The following MMS22L variants were observed in gnomAD, a reference collection of about 807,000 sequenced individuals.
The protein encoded by MMS22L is MMS22 like, DNA repair protein, also known as protein MMS22-like.
A neutral mutation model predicts 159.1 loss-of-function variants in MMS22L; 74 were observed. The observed-to-expected ratio is 0.47, with a 90% CI of 0.39 to 0.56. MMS22L has a LOEUF of 0.56. Among genes scored for constraint, MMS22L ranks in the 20% least tolerant of loss-of-function variants. The pLI is 0.00. For synonymous variants in MMS22L, 517 were observed against 506.9 expected, an observed-to-expected ratio of 1.02 and a Z score of -0.27; for missense variants, 1,351 against 1,422.1, an observed-to-expected ratio of 0.95 and a Z score of 0.80.
chr6:97,202,905 G>A (rs1187722745), intron 14 of MMS22L, among the ~76,000 whole-genome samples: 1 of 152,164 alleles, frequency 6.6e-6, no homozygotes, highest in Non-Finnish European at 1.5e-5. Flanking sequence ...ATCAGGTTAA[G>A]ATGACTACTG....
intron 11 of MMS22L, among the ~76,000 whole-genome samples, chr6:97,238,210 G>C (rs1018353984): frequency 3.3e-5 from 5 of 152,184 alleles, no homozygotes; most frequent in East Asian, 1.9e-4. Flanking sequence ...ATTAAGTGAA[G>C]GTATGTGCAG....
At chr6:97,267,083 A>G (rs1815203267) in intron 8 of MMS22L, 1 of 152,220 alleles carries the variant, frequency 6.6e-6, no homozygotes, top group South Asian at 2.1e-4. Context: ...CATGATGTAT[A>G]TGATAAATAT....
intron 14 of MMS22L, among the ~76,000 whole-genome samples, chr6:97,205,860 A>G (rs886839113): frequency 2.6e-5 from 4 of 152,166 alleles, no homozygotes; most frequent in Non-Finnish European, 5.9e-5. Context: ...TAATCACCTA[A>G]TAACAGCAAA....
intron 11 of MMS22L, among the ~76,000 whole-genome samples, chr6:97,242,559 T>C (rs1232955267): frequency 6.6e-6 from 1 of 152,182 alleles, no homozygotes; most frequent in South Asian, 2.1e-4. Context: ...TCTATATCTT[T>C]CAAGTGACAC....
intron 11 of MMS22L, among the ~76,000 whole-genome samples, chr6:97,242,300 T>C (rs1288175335): frequency 6.6e-6 from 1 of 152,206 alleles, no homozygotes; most frequent in Non-Finnish European, 1.5e-5. Context: ...GTATGTTCCC[T>C]ATTTAGGATT....
chr6:97,265,645 G>A (rs1387774767), intron 8 of MMS22L: 3 of 151,426 alleles, frequency 2.0e-5, no homozygotes, highest in East Asian at 1.9e-4. Flanking sequence ...TATAAGGAAC[G>A]CAAACAACTC....
intron 14 of MMS22L, among the ~76,000 whole-genome samples, chr6:97,196,581 A>T (rs992020546): frequency 6.6e-6 from 1 of 152,176 alleles, no homozygotes; most frequent in African/African-American, 2.4e-5. Context: ...TAGAGCCAAA[A>T]GTAAAGTCTT....
intron 11 of MMS22L, chr6:97,246,082 G>A: frequency 2.6e-6 from 1 of 386,072 alleles, no homozygotes; most frequent in Non-Finnish European, 5.0e-6. Context: ...AAAATGTGAT[G>A]AACAGCATGT....
chr6:97,234,308 C>T (rs1811171933), intron 11 of MMS22L, among the ~76,000 whole-genome samples: 1 of 152,052 alleles, frequency 6.6e-6, no homozygotes, highest in Admixed American at 6.6e-5. Flanking sequence ...AAAGAAGTGG[C>T]AAAAATGATG....
intron 18 of MMS22L, 38 bp downstream of exon 18, chr6:97,178,405 A>C (rs759691815): frequency 1.4e-6 from 2 of 1,424,286 alleles, no homozygotes; most frequent in South Asian, 3.0e-5. Context: ...AATTAATTGT[A>C]ATTAATCTGG....
intron 13 of MMS22L, 36 bp downstream of exon 13, chr6:97,231,390 T>C (rs1196159789): frequency 2.1e-6 from 3 of 1,425,998 alleles, no homozygotes; most frequent in African/African-American, 2.8e-5. Flanking sequence ...TCCAAAGATA[T>C]CAGTGCACAC....
At chr6:97,229,467 A>C in intron 13 of MMS22L, 64 bp from the exon 14 acceptor site, 2 of 1,232,328 alleles carry the variant, frequency 1.6e-6, no homozygotes, top group Middle Eastern at 4.6e-4. Context: ...TATCTCTTAA[A>C]AGAAAATTTG....
chr6:97,270,044 G>T (rs1024194082), intron 6 of MMS22L, 52 bp from the exon 7 acceptor site: 1 of 1,373,166 alleles, frequency 7.3e-7, no homozygotes, highest in Non-Finnish European at 1.0e-6. Context: ...ATTTTACTAG[G>T]TATTTCATAG....
chr6:97,263,638 G>T, intron 8 of MMS22L, 190 bp from the exon 9 acceptor site: 4 of 404,374 alleles, frequency 9.9e-6, no homozygotes, highest in South Asian at 6.7e-5. Context: ...AAAACAAAAA[G>T]CACAGATTAA....
chr6:97,274,347 A>G (rs997600206), intron 4 of MMS22L, among the ~76,000 whole-genome samples: 3 of 152,222 alleles, frequency 2.0e-5, no homozygotes, highest in South Asian at 2.1e-4. Context: ...ATAAAAAGTC[A>G]TATCATCCCA....
At chr6:97,193,853 T>C (rs1010998434) in intron 14 of MMS22L, among the ~76,000 whole-genome samples, 3 of 152,164 alleles carry the variant, frequency 2.0e-5, no homozygotes, top group African/African-American at 7.2e-5. Context: ...CTCCGCCTCC[T>C]GGGTTCACAC....
chr6:97,257,964 G>T (rs1814009534), intron 9 of MMS22L, among the ~76,000 whole-genome samples: 1 of 152,174 alleles, frequency 6.6e-6, no homozygotes, highest in African/African-American at 2.4e-5. Flanking sequence ...ATTCTTGCCT[G>T]AAACAATTAC....
At chr6:97,190,002 A>T (rs918180667) in intron 14 of MMS22L, among the ~76,000 whole-genome samples, 2 of 152,228 alleles carry the variant, frequency 1.3e-5, no homozygotes, top group Admixed American at 1.3e-4. Flanking sequence ...ACTATAGCCA[A>T]ATAGCTAGAA....
At position 97,272,718 on chromosome 6, in the gene MMS22L, G is replaced by C; in HGVS notation, c.592C>G (p.Gln198Glu). Residue 198 changes from glutamine to glutamate, a missense_variant, in exon 6 of 25, where the codon CAA (glutamine) becomes GAA (glutamate). Gln to Glu is a conservative substitution (Grantham distance 29). Transcript: ENST00000683635. ...PSVNIGAFVN[Q>E]NQIKLFPPSW... ...ACAAGTCAAACCTTAATCTGGTTTT[G>C]ATTTACAAATGCTCCTATATTAACA... The C allele has an allele frequency of 1.9e-6, 3 of 1,605,808 alleles. No homozygotes were observed. The highest frequency in any genetic ancestry group is 2.5e-6 in the Non-Finnish European group (3 of 1,177,814).
Sources: allele counts gnomAD v4.1 joint callset (sites outside exome capture counted in the v4.1 genomes callset), GRCh38; gene constraint gnomAD v4.1.1; transcripts MANE v1.5; gene names NCBI Gene and HGNC (gene_info 2026-07-23, HGNC 2026-07-21).